The following CNTNAP3B variants were observed in gnomAD, a reference collection of about 807,000 sequenced individuals.
CNTNAP3B encodes contactin-associated protein-like 3B.
Under a neutral mutation model 108.9 loss-of-function variants are expected in CNTNAP3B, and 25 were observed. The ratio of observed to expected loss-of-function variants is 0.23; its 90% CI spans 0.17 to 0.32. The LOEUF (loss-of-function observed/expected upper bound fraction) is 0.32. Among genes scored for constraint, CNTNAP3B ranks in the 10% least tolerant of loss-of-function variants. CNTNAP3B has a pLI of 1.00. For synonymous variants in CNTNAP3B, 103 were observed against 473.4 expected (o/e 0.22, Z 10.16); for missense variants, 252 against 1,210.4 (o/e 0.21, Z 11.75).
At chr9:41,925,026 C>T (rs1384603250) in intron 15 of CNTNAP3B, among the ~76,000 whole-genome samples, 1 of 151,918 alleles carries the variant, frequency 6.6e-6, no homozygotes, top group Non-Finnish European at 1.5e-5. Flanking sequence ...TGCTGATAAG[C>T]CCATCACTGG....
At chr9:41,934,218 C>CT (rs760498324) in intron 14 of CNTNAP3B, among the ~76,000 whole-genome samples, 44 of 118,830 alleles carry the variant, frequency 3.7e-4, no homozygotes, top group South Asian at 1.0e-3. Flanking sequence ...CACACACATA[C>CT]TTTTTTTTTT....
intron 3 of CNTNAP3B, among the ~76,000 whole-genome samples, chr9:42,044,396 T>A (rs1262739332): frequency 1.4e-3 from 202 of 149,486 alleles, no homozygotes; most frequent in African/African-American, 4.5e-3. Flanking sequence ...ATTTCTCACA[T>A]CTGAGTTGTC....
intron 15 of CNTNAP3B, among the ~76,000 whole-genome samples, chr9:41,924,644 T>TGCGCACGCGC (rs1482014228): frequency 1.0e-5 from 1 of 95,518 alleles, no homozygotes; most frequent in Non-Finnish European, 2.2e-5. Context: ...CTTTCCTTCC[T>TGCGCACGCGC]GCACACACAC....
At chr9:41,958,409 G>T (rs1824944270) in intron 12 of CNTNAP3B, among the ~76,000 whole-genome samples, 1 of 152,180 alleles carries the variant, frequency 6.6e-6, no homozygotes, top group South Asian at 2.1e-4. Context: ...GCTTCTCAAA[G>T]TAATAGGATT....
chr9:42,095,892 G>A (rs1334520814), intron 2 of CNTNAP3B, among the ~76,000 whole-genome samples: 1 of 138,342 alleles, frequency 7.2e-6, no homozygotes, highest in African/African-American at 2.9e-5. Context: ...GTAGAGGTCA[G>A]CACTGCACTG....
chr9:41,963,972 TCAC>T (rs1222159394), intron 11 of CNTNAP3B, among the ~76,000 whole-genome samples: 11 of 151,608 alleles, frequency 7.3e-5, no homozygotes, highest in Admixed American at 7.2e-4. Context: ...ACAATCATCA[TCAC>T]CACCACCAAA....
chr9:42,124,775 C>A (rs1220943210), intron 1 of CNTNAP3B, among the ~76,000 whole-genome samples: 1 of 128,570 alleles, frequency 7.8e-6, no homozygotes, highest in African/African-American at 3.2e-5. Flanking sequence ...GAATGGAGAA[C>A]AATCCCAGTG....
chr9:42,030,101 G>A (rs1417506739), intron 3 of CNTNAP3B, among the ~76,000 whole-genome samples: 8 of 73,256 alleles, frequency 1.1e-4, no homozygotes, highest in African/African-American at 4.1e-4. Flanking sequence ...CTAAGATTGC[G>A]CCACTGCACT....
At chr9:42,054,914 G>A (rs1228999784) in intron 3 of CNTNAP3B, among the ~76,000 whole-genome samples, 196 of 146,814 alleles carry the variant, frequency 1.3e-3, no homozygotes, top group African/African-American at 4.0e-3. Flanking sequence ...CTGTTCCTTC[G>A]CATTTGAAAG....
Position 42,087,573 on chromosome 9 carries a change from A to G in CNTNAP3B, c.197-10511T>C, listed in dbSNP as rs552295976. On this transcript the variant is annotated intron_variant, in intron 2 of 23. Coordinates refer to ENST00000377561, the MANE Select transcript of CNTNAP3B (RefSeq NM_001201380.3). ...GGCCTCAGGGGCAAAGGAGACAGAT[A>G]CAAATATGCTGAAACTCATGTTGTT... Among the ~76,000 whole-genome samples, 46 of 145,104 alleles carry G rather than the reference A, an allele frequency of 3.2e-4. 2 individuals are homozygous for G. The highest frequency in any genetic ancestry group is 1.1e-3 in the African/African-American group (44 of 38,614).
At chr9:41,924,767 C>T (rs1334659412) in intron 15 of CNTNAP3B, among the ~76,000 whole-genome samples, 1 of 152,238 alleles carries the variant, frequency 6.6e-6, no homozygotes, top group Admixed American at 6.5e-5. Flanking sequence ...CAAAACCCAT[C>T]ACAGGACTGC....
At chr9:41,950,379 T>G (rs1587135593) in intron 13 of CNTNAP3B, among the ~76,000 whole-genome samples, 1 of 140,610 alleles carries the variant, frequency 7.1e-6, no homozygotes, top group South Asian at 2.3e-4. Context: ...CTATTGCCCT[T>G]TGGGGCATTA....
intron 14 of CNTNAP3B, among the ~76,000 whole-genome samples, chr9:41,936,400 TG>T (rs1824157091): frequency 6.6e-6 from 1 of 152,194 alleles, no homozygotes; most frequent in African/African-American, 2.4e-5. Flanking sequence ...CTGTAGAGAA[TG>T]GGGGTGGGGA....
At chr9:41,925,343 C>T (rs1012581796) in intron 15 of CNTNAP3B, among the ~76,000 whole-genome samples, 21 of 152,290 alleles carry the variant, frequency 1.4e-4, no homozygotes, top group African/African-American at 2.4e-4. Context: ...CCTGTAATCC[C>T]AGCAGTTTGG....
At chr9:41,963,277 C>G (rs1394696813) in intron 11 of CNTNAP3B, among the ~76,000 whole-genome samples, 1 of 152,226 alleles carries the variant, frequency 6.6e-6, no homozygotes, top group Non-Finnish European at 1.5e-5. Context: ...CTTTGCATCT[C>G]TGTTTCCTTG....
intron 18 of CNTNAP3B, among the ~76,000 whole-genome samples, chr9:41,917,751 T>C (rs1823554506): frequency 6.7e-6 from 1 of 148,606 alleles, no homozygotes; most frequent in Non-Finnish European, 1.5e-5. Flanking sequence ...TGTTTCTGCG[T>C]GAACAGAGCT....
intron 11 of CNTNAP3B, among the ~76,000 whole-genome samples, chr9:41,961,320 G>T (rs968842270): frequency 6.6e-6 from 1 of 152,302 alleles, no homozygotes; most frequent in Non-Finnish European, 1.5e-5. Flanking sequence ...TTGCTTTTAG[G>T]CAAGAAAGCA....
chr9:41,955,581 A>G (rs1257762171), intron 12 of CNTNAP3B, among the ~76,000 whole-genome samples: 1 of 152,158 alleles, frequency 6.6e-6, no homozygotes, highest in East Asian at 1.9e-4. Flanking sequence ...CCCAGCTTGG[A>G]GTGCAGTGGC....
intron 14 of CNTNAP3B, among the ~76,000 whole-genome samples, chr9:41,935,975 T>G (rs1824144604): frequency 6.6e-6 from 1 of 152,266 alleles, no homozygotes; most frequent in South Asian, 2.1e-4. Flanking sequence ...TCAATACAGG[T>G]GGCTCCAAGT....
Sources: gnomAD v4.1 joint callset for allele counts (sites outside exome capture counted in the v4.1 genomes callset) on GRCh38, gnomAD v4.1.1 for gene constraint, MANE v1.5 for transcripts, NCBI Gene and HGNC (gene_info 2026-07-23, HGNC 2026-07-21) for gene names.